Variants in DRC11 observed in about 807,000 individuals in gnomAD.
DRC11 encodes dynein regulatory complex subunit 11, also known as IQ and AAA domain-containing protein 1.
At chr2:236,403,401 G>C in the DRC11 span, among the ~76,000 whole-genome samples, 1 of 151,978 alleles carries the variant, frequency 6.6e-6, no homozygotes, top group African/African-American at 2.4e-5. Context: ...GCTCTTGAAA[G>C]GACCAAGAGC....
chr2:236,311,693 G>GGTGTGT, the DRC11 span, among the ~76,000 whole-genome samples: 1 of 136,376 alleles, frequency 7.3e-6, no homozygotes, highest in Non-Finnish European at 1.5e-5. The surrounding 1 kb of genome is among the most constrained non-coding windows in gnomAD (Gnocchi z 6.9). Flanking sequence ...AGCTGGATGG[G>GGTGTGT]GTGCGTGTGT....
chr2:236,392,136 T>C, the DRC11 span: 1 of 1,561,042 alleles, frequency 6.4e-7, no homozygotes, highest in Non-Finnish European at 8.8e-7. The surrounding 1 kb of genome is among the most constrained non-coding windows in gnomAD (Gnocchi z 5.1). Context: ...GTTTGTGAAG[T>C]TTAAAAATCC....
the DRC11 span, among the ~76,000 whole-genome samples, chr2:236,500,082 AGATGAT>A: frequency 0.044 from 6,617 of 150,542 alleles, 465 homozygotes; most frequent in African/African-American, 0.15. This position sits in a 1 kb window ranked among gnomAD's most constrained non-coding sequence, Gnocchi z 6.3. Flanking sequence ...TTTTGGGTTC[AGATGAT>A]GATGATGATG....
chr2:236,459,962 T>C, the DRC11 span, among the ~76,000 whole-genome samples: 2 of 152,200 alleles, frequency 1.3e-5, no homozygotes, highest in African/African-American at 2.4e-5. Flanking sequence ...ATCGTGGGAA[T>C]GCATATTAAG....
chr2:236,335,863 T>C, the DRC11 span, among the ~76,000 whole-genome samples: 2 of 152,164 alleles, frequency 1.3e-5, no homozygotes, highest in Non-Finnish European at 1.5e-5. The surrounding 1 kb of genome is among the most constrained non-coding windows in gnomAD (Gnocchi z 5.6). Flanking sequence ...GCGGCGAGAC[T>C]GTGGTGCCTG....
the DRC11 span, chr2:236,497,327 T>G: frequency 6.2e-7 from 1 of 1,613,952 alleles, no homozygotes; most frequent in Admixed American, 1.7e-5. The surrounding 1 kb of genome is among the most constrained non-coding windows in gnomAD (Gnocchi z 5.1). Context: ...TCGTAGACAT[T>G]CTCTAGGTTT....
chr2:236,326,791 GTTGTGTGTGT>G, the DRC11 span, among the ~76,000 whole-genome samples: 3 of 127,642 alleles, frequency 2.4e-5, no homozygotes, highest in African/African-American at 9.2e-5. Context: ...TTTCAGATTT[GTTGTGTGTGT>G]GTGTGTGTGT....
the DRC11 span, chr2:236,408,420 G>A: frequency 2.2e-5 from 16 of 739,588 alleles, no homozygotes; most frequent in Non-Finnish European, 3.3e-5. The surrounding 1 kb of genome is among the most constrained non-coding windows in gnomAD (Gnocchi z 5.5). Flanking sequence ...CCTTGAAGAC[G>A]TCAATCATCT....
chr2:236,432,920 T>C, the DRC11 span, among the ~76,000 whole-genome samples: 1 of 152,184 alleles, frequency 6.6e-6, no homozygotes, highest in Non-Finnish European at 1.5e-5. Context: ...AAGTGTTTGA[T>C]CCTTTTGGAA....
At chr2:236,406,904 C>T in the DRC11 span, among the ~76,000 whole-genome samples, 1 of 152,100 alleles carries the variant, frequency 6.6e-6, no homozygotes, top group Non-Finnish European at 1.5e-5. The surrounding 1 kb of genome is among the most constrained non-coding windows in gnomAD (Gnocchi z 4.7). Flanking sequence ...CACCACCACG[C>T]CTGGCTAATT....
At chr2:236,335,513 C>T in the DRC11 span, among the ~76,000 whole-genome samples, 15 of 152,298 alleles carry the variant, frequency 9.8e-5, no homozygotes, top group East Asian at 9.7e-4. The surrounding 1 kb of genome is among the most constrained non-coding windows in gnomAD (Gnocchi z 5.6). Context: ...TCTCCCATCA[C>T]GATGCTGTGA....
chr2:236,414,072 G>C, the DRC11 span, among the ~76,000 whole-genome samples: 1 of 152,170 alleles, frequency 6.6e-6, no homozygotes, highest in Admixed American at 6.5e-5. Flanking sequence ...ATTTAAAACT[G>C]AGAACTCAAA....
chr2:236,500,062 T>C, the DRC11 span, among the ~76,000 whole-genome samples: 7,298 of 151,308 alleles, frequency 0.048, 592 homozygotes, highest in African/African-American at 0.17. The surrounding 1 kb of genome is among the most constrained non-coding windows in gnomAD (Gnocchi z 6.3). Context: ...TATCTTGATG[T>C]TTGCAAGACT....
At chr2:236,324,841 T>C in the DRC11 span, 1 of 1,242,192 alleles carries the variant, frequency 8.1e-7, no homozygotes, top group Non-Finnish European at 1.1e-6. This position sits in a 1 kb window ranked among gnomAD's most constrained non-coding sequence, Gnocchi z 5.7. Context: ...ACCGCAATAC[T>C]CTTAAAAATA....
At chr2:236,368,862 T>A in the DRC11 span, 1 of 152,644 alleles carries the variant, frequency 6.6e-6, no homozygotes, top group Admixed American at 6.5e-5. Context: ...TTATCATTTT[T>A]AAGAGAGTAC....
At chr2:236,422,004 A>G in the DRC11 span, among the ~76,000 whole-genome samples, 4 of 152,194 alleles carry the variant, frequency 2.6e-5, no homozygotes, top group Admixed American at 1.3e-4. Context: ...ACAAAATTCA[A>G]TAACACTCAT....
the DRC11 span, among the ~76,000 whole-genome samples, chr2:236,451,063 C>A: frequency 2.6e-5 from 4 of 152,168 alleles, no homozygotes. Context: ...TTCCTTTTAA[C>A]ACTCATAGAC....
chr2:236,433,014 T>C, the DRC11 span, among the ~76,000 whole-genome samples: 10 of 152,184 alleles, frequency 6.6e-5, no homozygotes, highest in Non-Finnish European at 1.3e-4. Context: ...ATACCATTTA[T>C]TTCCTTTTTT....
At chr2:236,408,336 T>C in the DRC11 span, 1 of 770,208 alleles carries the variant, frequency 1.3e-6, no homozygotes. The surrounding 1 kb of genome is among the most constrained non-coding windows in gnomAD (Gnocchi z 5.5). Context: ...TGCGCAAGCC[T>C]CAGTGGGTCT....
Sources: gnomAD v4.1 joint callset for allele counts (sites outside exome capture counted in the v4.1 genomes callset) on GRCh38, gnomAD v4.1.1 for gene constraint, Gnocchi (gnomAD v3.1) non-coding constraint, MANE v1.5 for transcripts, NCBI Gene and HGNC (gene_info 2026-07-23, HGNC 2026-07-21) for gene names.